The following ARL8B variants were observed in gnomAD, a reference collection of about 807,000 sequenced individuals.
ARL8B encodes the protein ARF like GTPase 8B, also known as ADP-ribosylation factor-like protein 8B.
Under a neutral mutation model 30.6 loss-of-function variants are expected in ARL8B, and 9 were observed. The observed-to-expected ratio is 0.29, with a 90% CI of 0.18 to 0.51. The LOEUF is 0.51. Among genes scored for constraint, ARL8B ranks in the 20% least tolerant of loss-of-function variants. The pLI, the probability that ARL8B is intolerant of heterozygous loss-of-function variation, is 0.97. For missense variants in ARL8B, 130 were observed against 227.2 expected (o/e 0.57, Z 2.75); for synonymous variants, 74 against 76.0 (o/e 0.97, Z 0.14).
intron 1 of ARL8B, among the ~76,000 whole-genome samples, chr3:5,152,226 C>G (rs191728748): frequency 3.3e-5 from 5 of 152,188 alleles, no homozygotes; most frequent in Admixed American, 2.6e-4. Flanking sequence ...TATTTCAATT[C>G]TATCAATTTT....
In ARL8B at chr3:5,171,588, T is replaced by G. The variant is rs188737320; in HGVS notation, c.205-562T>G. On this transcript the variant is annotated intron_variant, in intron 2 of 6. Coordinates refer to ENST00000256496, the MANE Select transcript of ARL8B (RefSeq NM_018184.3). ...GTCTCGAACTCCTGACCCCAAGTGA[T>G]CCACCCGCCTCGGCCTCCCAAAGTG... 1.0e-3 allele frequency among the ~76,000 whole-genome samples: 155 copies of G among 152,234 alleles called. 1 individual carries two copies. Among genetic ancestry groups the G allele is most frequent in the African/African-American group, 3.7e-3 (152 of 41,524 alleles).
Position 5,153,630 on chromosome 3 carries a change from GA to G in ARL8B, c.124-16864del, listed in dbSNP as rs58427131. On this transcript the variant is annotated intron_variant, in intron 1 of 6. Coordinates refer to ENST00000256496, the MANE Select transcript of ARL8B (RefSeq NM_018184.3). ...CAATGTCGAATTTTACCTATTCTTT[GA>G]AAAAAAAATTTTTTCCTTTCAGCCA... 8.1e-3 allele frequency among the ~76,000 whole-genome samples: 1,225 copies of G among 151,378 alleles called. 13 individuals are homozygous for G. The highest frequency in any genetic ancestry group is 0.028 in the African/African-American group (1,176 of 41,306).
intron 1 of ARL8B, among the ~76,000 whole-genome samples, chr3:5,149,000 A>T (rs1050179315): frequency 3.9e-5 from 6 of 152,134 alleles, no homozygotes; most frequent in Admixed American, 3.9e-4. Context: ...CCGCGCTACT[A>T]GAGGTTTCTT....
intron 1 of ARL8B, among the ~76,000 whole-genome samples, chr3:5,155,328 A>G (rs752619404): frequency 6.6e-6 from 1 of 152,086 alleles, no homozygotes; most frequent in Admixed American, 6.5e-5. Flanking sequence ...TTTCAAGATT[A>G]TATCTGTCTT....
chr3:5,141,611 GGTT>G (rs1311002983), intron 1 of ARL8B, among the ~76,000 whole-genome samples: 1 of 152,166 alleles, frequency 6.6e-6, no homozygotes, highest in East Asian at 1.9e-4. Flanking sequence ...CCCGTAAATG[GGTT>G]GTTAATTCCA....
intron 1 of ARL8B, among the ~76,000 whole-genome samples, chr3:5,170,289 T>C (rs1185257663): frequency 6.6e-6 from 1 of 152,258 alleles, no homozygotes; most frequent in African/African-American, 2.4e-5. Flanking sequence ...GTTTCAAAAA[T>C]ATCTTTTTTA....
intron 1 of ARL8B, among the ~76,000 whole-genome samples, chr3:5,139,388 G>A (rs2054353256): frequency 6.6e-6 from 1 of 152,162 alleles, no homozygotes; most frequent in South Asian, 2.1e-4. Context: ...ATCTTATGAT[G>A]TACCTGTGGA....
At chr3:5,133,258 A>T (rs1468104357) in intron 1 of ARL8B, among the ~76,000 whole-genome samples, 1 of 152,224 alleles carries the variant, frequency 6.6e-6, no homozygotes, top group Non-Finnish European at 1.5e-5. Flanking sequence ...ACTGAGTGTG[A>T]CATTAGGCAT....
intron 4 of ARL8B, 72 bp from the exon 5 acceptor site, chr3:5,173,945 A>G (rs2054701812): frequency 3.6e-6 from 4 of 1,109,740 alleles, no homozygotes; most frequent in South Asian, 1.3e-5. Flanking sequence ...GTGTCTTCAC[A>G]TATCAAGATG....
intron 1 of ARL8B, among the ~76,000 whole-genome samples, chr3:5,159,929 A>C (rs2054566832): frequency 6.6e-6 from 1 of 152,178 alleles, no homozygotes; most frequent in Non-Finnish European, 1.5e-5. Context: ...TTAGAAACGC[A>C]AACATTCAAA....
chr3:5,155,873 T>A (rs1293902230), intron 1 of ARL8B, among the ~76,000 whole-genome samples: 2 of 147,680 alleles, frequency 1.4e-5, no homozygotes, highest in African/African-American at 5.2e-5. Flanking sequence ...GTTCTTTGAG[T>A]ACCTTTAAGA....
At chr3:5,164,983 C>T (rs2054612447) in intron 1 of ARL8B, among the ~76,000 whole-genome samples, 1 of 152,190 alleles carries the variant, frequency 6.6e-6, no homozygotes, top group African/African-American at 2.4e-5. Flanking sequence ...TATATATTCT[C>T]AGCTGGAATA....
Position 5,140,581 on chromosome 3 carries a change from C to T in ARL8B, c.123+17993C>T, listed in dbSNP as rs538984263. Among the ~76,000 whole-genome samples, 3 of 146,508 alleles carry T rather than the reference C, an allele frequency of 2.0e-5. 1 individual carries two copies. Among genetic ancestry groups the T allele is most frequent in the African/African-American group, 7.7e-5 (3 of 39,130 alleles). The stretch of plus-strand genomic sequence containing the variant: ...TGGTTTTTTTTTTTTGGCAAAATTT[C>T]AACACGTTAGTCTTTAACTCTCTAG... On this transcript the variant is annotated intron_variant, in intron 1 of 6. Coordinates refer to ENST00000256496, the MANE Select transcript of ARL8B (RefSeq NM_018184.3).
chr3:5,130,000 A>T (rs2054267969), intron 1 of ARL8B, among the ~76,000 whole-genome samples: 1 of 151,950 alleles, frequency 6.6e-6, no homozygotes, highest in Admixed American at 6.6e-5. Flanking sequence ...AGTAGGTGGG[A>T]CTACAGGCAC....
chr3:5,135,903 C>T (rs1472304113), intron 1 of ARL8B, among the ~76,000 whole-genome samples: 1 of 150,978 alleles, frequency 6.6e-6, no homozygotes, highest in Non-Finnish European at 1.5e-5. Flanking sequence ...TCTCCTGTCT[C>T]AGCCTCTCGA....
At chr3:5,173,713 TCAAACAAACAAACAAA>T (rs10552472) in intron 4 of ARL8B, among the ~76,000 whole-genome samples, 3 of 151,138 alleles carry the variant, frequency 2.0e-5, no homozygotes, top group East Asian at 1.9e-4. Context: ...AGACTCTGTC[TCAAACAAACAAACAAA>T]CAAACAAACA....
intron 1 of ARL8B, among the ~76,000 whole-genome samples, chr3:5,129,043 T>G (rs1422556245): frequency 6.6e-6 from 1 of 152,228 alleles, no homozygotes; most frequent in African/African-American, 2.4e-5. Context: ...TGTACTCAAT[T>G]TGATCTGCAC....
chr3:5,139,284 C>T (rs944768126), intron 1 of ARL8B, among the ~76,000 whole-genome samples: 1 of 152,166 alleles, frequency 6.6e-6, no homozygotes, highest in Non-Finnish European at 1.5e-5. Flanking sequence ...CAGAGTCTAA[C>T]AGGCAAAATA....
intron 1 of ARL8B, among the ~76,000 whole-genome samples, chr3:5,125,892 GA>G (rs978030992): frequency 6.6e-6 from 1 of 150,684 alleles, no homozygotes; most frequent in African/African-American, 2.4e-5. Flanking sequence ...CTTCAGTTAA[GA>G]AAAAAAAAGT....
Sources: allele counts gnomAD v4.1 joint callset (sites outside exome capture counted in the v4.1 genomes callset), GRCh38; gene constraint gnomAD v4.1.1; transcripts MANE v1.5; gene names NCBI Gene and HGNC (gene_info 2026-07-23, HGNC 2026-07-21).